Variants in LRFN1 observed in about 807,000 individuals in gnomAD.
LRFN1 encodes the protein leucine rich repeat and fibronectin type III domain containing 1, also known as leucine-rich repeat and fibronectin type III domain-containing protein 1.
A neutral mutation model predicts 31.8 loss-of-function variants in LRFN1; 20 were observed. The observed-to-expected ratio is 0.63, with a 90% CI of 0.44 to 0.91. The LOEUF is 0.91. Ranked by LOEUF, LRFN1 falls within the 40% of genes least tolerant of loss-of-function variation. The pLI, the probability that LRFN1 is intolerant of heterozygous loss-of-function variation, is 0.00. For missense variants in LRFN1, 912 were observed against 1,129.8 expected (o/e 0.81, Z 2.76); for synonymous variants, 514 against 541.3 (o/e 0.95, Z 0.70).
intron 1 of LRFN1, among the ~76,000 whole-genome samples, chr19:39,320,449 G>C (rs988295445): frequency 2.6e-5 from 4 of 151,812 alleles, no homozygotes; most frequent in Non-Finnish European, 5.9e-5. Flanking sequence ...TGGGCTTGGG[G>C]GGGACCCACA....
intron 4 of LRFN1, among the ~76,000 whole-genome samples, chr19:39,309,509 C>CAAAA (rs2075143806): frequency 9.5e-6 from 1 of 104,730 alleles, no homozygotes. Context: ...AAAAAAAAAC[C>CAAAA]ATCTAGCTTT....
chr19:39,312,322 T>C (rs1490406505), intron 4 of LRFN1, among the ~76,000 whole-genome samples: 1 of 151,680 alleles, frequency 6.6e-6, no homozygotes, highest in African/African-American at 2.4e-5. Context: ...TCTCCACAGG[T>C]AGGGAAACAG....
rs2075129250 is a variant in LRFN1 at position 39,306,583 on chromosome 19, T to C, written c.*1050A>G. On this transcript the variant is annotated 3_prime_UTR_variant, in exon 5 of 5. Coordinates refer to ENST00000248668, the MANE Select transcript of LRFN1 (RefSeq NM_020862.2). ...ACTAAGCGTTAGCTATTATGATCATTTTATTTTTGTGATTATTCCCCACCT... is the reference window on the plus strand; with the variant it reads ...ACTAAGCGTTAGCTATTATGATCATCTTATTTTTGTGATTATTCCCCACCT... The C allele has an allele frequency of 6.6e-6, 1 of 152,130 alleles. No individual in the cohort carries two copies. 9.4% of individuals were successfully genotyped at this position (152,130 alleles called of 1,614,324 possible).
Position 39,308,494 on chromosome 19 carries a change from C to G in LRFN1, c.1455G>C (p.Ala485=). 1 of 1,601,650 alleles carries G rather than the reference C, an allele frequency of 6.2e-7. No individual in the cohort carries two copies. Among genetic ancestry groups the G allele is most frequent in the Non-Finnish European group, 8.5e-7 (1 of 1,179,178 alleles). The part of the protein sequence containing the change: ...SQTFLVNDLA[A]GRAYDLCVLA... ...GCACGCACAAGTCGTAGGCACGGCC[C>G]GCCGCCAGGTCATTCACCAGGAAGG... Residue 485 remains alanine, a synonymous_variant, in exon 5 of 5, where the codon GCG becomes GCC. Coordinates refer to ENST00000248668, the MANE Select transcript of LRFN1 (RefSeq NM_020862.2). The surrounding 1 kb of genome is among the most constrained non-coding windows in gnomAD (Gnocchi z 6.2).
Position 39,314,467 on chromosome 19 carries a change from G to T in LRFN1, c.870C>A (p.Pro290=), listed in dbSNP as rs746264800. ...GGGGCTCACACAGGAACTCCTCCTC[G>T]GGGATGGACCAGAAGTAGCGGTCGG... is the stretch of plus-strand genomic sequence containing the variant. The part of the protein sequence containing the change: ...HLTDRYFWSI[P]EEEFLCEPPL... The change falls in exon 4 of 5, where the codon CCC becomes CCA. Residue 290 remains proline, a synonymous_variant. Transcript: ENST00000248668. 5 of 1,610,306 alleles carry T rather than the reference G, an allele frequency of 3.1e-6. No individual in the cohort carries two copies. The highest frequency in any genetic ancestry group is 2.2e-5 in the South Asian group (2 of 90,772).
In LRFN1 at chr19:39,315,058, G is replaced by A. The variant is rs2075166755; in HGVS notation, c.279C>T (p.His93=). 2 of 1,595,936 alleles carry A rather than the reference G, an allele frequency of 1.3e-6. No individual in the cohort carries two copies. The highest frequency in any genetic ancestry group is 2.2e-5 in the South Asian group (2 of 90,080). ...RDFANMTSLV[H]LTLSRNTIGQ... is the part of the protein sequence containing the mutation. ...CGATGGTGTTCCGGGAGAGAGTGAG[G>A]TGCACCAGGCTGGTCATGTTGGCGA... Residue 93 remains histidine, a synonymous_variant, in exon 4 of 5, where the codon CAC becomes CAT. Transcript: ENST00000248668. The surrounding 1 kb of genome is among the most constrained non-coding windows in gnomAD (Gnocchi z 4.7).
intron 2 of LRFN1, among the ~76,000 whole-genome samples, chr19:39,318,114 G>A (rs2075177311): frequency 1.3e-5 from 2 of 152,212 alleles, no homozygotes; most frequent in African/African-American, 4.8e-5. Flanking sequence ...GAGCCACCTG[G>A]CCACCACAAG....
intron 1 of LRFN1, 85 bp downstream of exon 1, chr19:39,320,708 C>G (rs2075185914): frequency 6.7e-6 from 1 of 150,330 alleles, no homozygotes; most frequent in South Asian, 1.8e-4. Flanking sequence ...GCCACGGACA[C>G]ACACTCGCAC....
At chr19:39,309,007 CA>C (rs1217745617) in intron 4 of LRFN1, among the ~76,000 whole-genome samples, 18 of 152,346 alleles carry the variant, frequency 1.2e-4, no homozygotes, top group Admixed American at 1.2e-3. Context: ...ATCCCCCACT[CA>C]GGTGGACACT....
Position 39,306,730 on chromosome 19 carries a change from A to AACACACACACACACACACAC in LRFN1, c.*883_*902dup, listed in dbSNP as rs58972296. The AACACACACACACACACACAC allele has an allele frequency of 7.4e-6, 1 of 134,768 alleles. No individual in the cohort carries two copies. The highest frequency in any genetic ancestry group is 1.6e-5 in the Non-Finnish European group (1 of 61,982). 8.3% of individuals were successfully genotyped at this position (134,768 alleles called of 1,614,324 possible). A position where few individuals can be genotyped will look rare whatever the true frequency, so the allele number is the denominator to read the frequency against. ...GCTGCAATCTAGGTCACCCTCCCCC[A>AACACACACACACACACACAC]ACACACACACACACACACACACACA... On this transcript the variant is annotated 3_prime_UTR_variant, in exon 5 of 5. Transcript: ENST00000248668.
intron 1 of LRFN1, among the ~76,000 whole-genome samples, chr19:39,320,305 GACACACACACACACAC>G (rs35232910): frequency 3.0e-5 from 4 of 134,654 alleles, no homozygotes; most frequent in African/African-American, 8.3e-5. Context: ...ACAACCCGCA[GACACACACACACACAC>G]ACACACACAC....
In LRFN1 at chr19:39,307,527, C is replaced by A; in HGVS notation, c.*106G>T. 1 of 1,241,290 alleles carries A rather than the reference C, an allele frequency of 8.1e-7. No homozygotes were observed. Among genetic ancestry groups the A allele is most frequent in the Non-Finnish European group, 1.0e-6 (1 of 968,828 alleles). The allele number at this position is 1,241,290 out of a possible 1,614,324, so 76.9% of individuals were successfully genotyped here. ...CCGGGGACAAGGGCGCGTCTCCACTCTGGTCCAATGTCTTGGCGCTGCGCT... is the reference window on the plus strand; with the variant it reads ...CCGGGGACAAGGGCGCGTCTCCACTATGGTCCAATGTCTTGGCGCTGCGCT... On this transcript the variant is annotated 3_prime_UTR_variant, in exon 5 of 5. Coordinates refer to ENST00000248668, the MANE Select transcript of LRFN1 (RefSeq NM_020862.2). This position sits in a 1 kb window ranked among gnomAD's most constrained non-coding sequence, Gnocchi z 6.7.
In LRFN1 at chr19:39,307,951, C is replaced by A. The variant is rs748905761; in HGVS notation, c.1998G>T (p.Ala666=). The A allele has an allele frequency of 2.5e-5, 39 of 1,566,498 alleles. No individual in the cohort carries two copies. Among genetic ancestry groups the A allele is most frequent in the Non-Finnish European group, 3.2e-5 (37 of 1,165,010 alleles). The part of the protein sequence containing the change: ...EETSGEESRA[A]VGPRRSRSGA... ...CGGATCGGCTCCTTCGAGGGCCCAC[C>A]GCGGCCCGAGACTCCTCCCCGGAAG... The change falls in exon 5 of 5, where the codon GCG becomes GCT. Residue 666 remains alanine, a synonymous_variant. Transcript: ENST00000248668. This position sits in a 1 kb window ranked among gnomAD's most constrained non-coding sequence, Gnocchi z 6.7.
rs1207116083 is a variant in LRFN1, at chr19:39,307,549, C to G, written c.*84G>C. On this transcript the variant is annotated 3_prime_UTR_variant, in exon 5 of 5. Transcript: ENST00000248668. This position sits in a 1 kb window ranked among gnomAD's most constrained non-coding sequence, Gnocchi z 6.7. ...ACTCTGGTCCAATGTCTTGGCGCTG[C>G]GCTTTCTCCCAGTCCCGCCCCAGCG... 6 of 1,312,464 alleles carry G rather than the reference C, an allele frequency of 4.6e-6. No homozygotes were observed. Among genetic ancestry groups the G allele is most frequent in the Non-Finnish European group, 4.9e-6 (5 of 1,025,880 alleles). 81.3% of individuals were successfully genotyped at this position (1,312,464 alleles called of 1,614,324 possible).
At chr19:39,313,787 G>C (rs2145034484) in intron 4 of LRFN1, 144 bp downstream of exon 4, 1 of 716,112 alleles carries the variant, frequency 1.4e-6, no homozygotes, top group Non-Finnish European at 2.3e-6. Flanking sequence ...ATAGAGAGAG[G>C]AGACAGGGCA....
chr19:39,314,043 C>T lies in LRFN1; in HGVS notation c.1294G>A (p.Glu432Lys). 5 of 1,610,492 alleles carry T rather than the reference C, an allele frequency of 3.1e-6. No homozygotes were observed. Among genetic ancestry groups the T allele is most frequent in the Non-Finnish European group, 4.2e-6 (5 of 1,179,678 alleles). The change falls in exon 4 of 5, where the codon GAG becomes AAG. Residue 432 changes from glutamate (E) to lysine (K), a missense_variant. Coordinates refer to ENST00000248668, the MANE Select transcript of LRFN1 (RefSeq NM_020862.2). Reference protein sequence around the residue: ...SAAERRLVAAELTSNSVLIRW... With the variant: ...SAAERRLVAAKLTSNSVLIRW... Reference sequence around the variant, plus strand: ...ATGAGCACGGAGTTCGAGGTGAGCTCGGCTGCCACGAGCCGACGCTCAGCC... The same window carrying T: ...ATGAGCACGGAGTTCGAGGTGAGCTTGGCTGCCACGAGCCGACGCTCAGCC...
chr19:39,314,335 C>T lies in LRFN1; in HGVS notation c.1002G>A (p.Val334=), dbSNP rs781594211. 1.3e-6 allele frequency: 2 copies of T among 1,598,504 alleles called. No individual in the cohort carries two copies. The highest frequency in any genetic ancestry group is 1.1e-5 in the South Asian group (1 of 89,100). The change falls in exon 4 of 5, where the codon GTG becomes GTA. Residue 334 remains valine, a synonymous_variant. Coordinates refer to ENST00000248668, the MANE Select transcript of LRFN1 (RefSeq NM_020862.2). ...VGDPEPVVHW[V]APDGRLLGNS... The stretch of plus-strand genomic sequence containing the variant: ...TCCCCAGCAGCCGCCCATCAGGTGC[C>T]ACCCAGTGCACCACCGGCTCGGGGT...
chr19:39,315,113 T>C lies in LRFN1; in HGVS notation c.224A>G (p.Asn75Ser). The change falls in exon 4 of 5, where the codon AAC (asparagine) becomes AGC (serine). Residue 75 changes from asparagine (N) to serine (S), a missense_variant. Asn to Ser is a conservative substitution (Grantham distance 46, BLOSUM62 1). Coordinates refer to ENST00000248668, the MANE Select transcript of LRFN1 (RefSeq NM_020862.2). This position sits in a 1 kb window ranked among gnomAD's most constrained non-coding sequence, Gnocchi z 4.7. ...TCGGCGGCGCACGGCGGCGATGAAGTTGTCGGTGAGCCGCAGCTCCACCAC... is the reference window on the plus strand; with the variant it reads ...TCGGCGGCGCACGGCGGCGATGAAGCTGTCGGTGAGCCGCAGCTCCACCAC... Reference protein sequence around the residue: ...RRVVELRLTDNFIAAVRRRDF... With the variant: ...RRVVELRLTDSFIAAVRRRDF... The C allele has an allele frequency of 6.3e-7, 1 of 1,593,632 alleles. No individual in the cohort carries two copies. The highest frequency in any genetic ancestry group is 8.5e-7 in the Non-Finnish European group (1 of 1,177,456).
At chr19:39,312,282 G>A (rs1030938959) in intron 4 of LRFN1, among the ~76,000 whole-genome samples, 8 of 152,004 alleles carry the variant, frequency 5.3e-5, no homozygotes, top group East Asian at 3.9e-4. Flanking sequence ...CAGGTTTCTC[G>A]GTGAAGATCT....
Sources: allele counts gnomAD v4.1 joint callset (sites outside exome capture counted in the v4.1 genomes callset), GRCh38; gene constraint gnomAD v4.1.1; non-coding constraint Gnocchi (gnomAD v3.1); transcripts MANE v1.5; gene names NCBI Gene and HGNC (gene_info 2026-07-23, HGNC 2026-07-21).